RFX8: variants seen among roughly 807,000 people sequenced by gnomAD.
RFX8 encodes DNA-binding protein RFX8.
RFX8 carries 46 observed loss-of-function variants against 54.6 expected under a neutral mutation model. The ratio of observed to expected loss-of-function variants is 0.84; its 90% CI spans 0.67 to 1.08. The LOEUF (loss-of-function observed/expected upper bound fraction) is 1.08, where lower values mean the gene tolerates loss of function less well. Ranked by LOEUF, RFX8 falls within the 50% of genes least tolerant of loss-of-function variation. RFX8 has a pLI of 0.00. For synonymous variants in RFX8, 192 were observed against 209.5 expected, an observed-to-expected ratio of 0.92 and a Z score of 0.72; for missense variants, 536 against 562.3, an observed-to-expected ratio of 0.95 and a Z score of 0.47.
At chr2:101,460,354 C>T (rs1465840175) in intron 2 of RFX8, among the ~76,000 whole-genome samples, 2 of 152,192 alleles carry the variant, frequency 1.3e-5, no homozygotes, top group Non-Finnish European at 2.9e-5. Context: ...CAGATAGGAG[C>T]TGTTCCTATT....
At chr2:101,412,244 G>A (rs1686180956) in intron 8 of RFX8, among the ~76,000 whole-genome samples, 1 of 152,154 alleles carries the variant, frequency 6.6e-6, no homozygotes, top group Non-Finnish European at 1.5e-5. Context: ...GCAGCTTCCT[G>A]CCTCCCAGGT....
chr2:101,410,494 A>G (rs1306067286), intron 9 of RFX8, 125 bp downstream of exon 9: 12 of 623,074 alleles, frequency 1.9e-5, no homozygotes, highest in Non-Finnish European at 3.2e-5. Flanking sequence ...CCTCACACCC[A>G]GGCCAGCTTT....
At chr2:101,438,451 G>A (rs1356102034) in intron 2 of RFX8, among the ~76,000 whole-genome samples, 1 of 152,168 alleles carries the variant, frequency 6.6e-6, no homozygotes, top group Non-Finnish European at 1.5e-5. Flanking sequence ...TCCACAGTAT[G>A]GATGGATCAT....
intron 2 of RFX8, among the ~76,000 whole-genome samples, chr2:101,425,669 C>T (rs1416303311): frequency 1.3e-5 from 2 of 152,156 alleles, no homozygotes; most frequent in African/African-American, 2.4e-5. Context: ...ATAGACATTA[C>T]TTATAGGCAT....
chr2:101,471,460 G>A (rs1387733636), intron 1 of RFX8, among the ~76,000 whole-genome samples: 1 of 152,162 alleles, frequency 6.6e-6, no homozygotes, highest in African/African-American at 2.4e-5. Context: ...AAATAAATTT[G>A]TATTTTTAAA....
intron 1 of RFX8, among the ~76,000 whole-genome samples, chr2:101,469,113 TATATATATAA>T (rs1689820585): frequency 8.3e-6 from 1 of 120,994 alleles, no homozygotes; most frequent in Non-Finnish European, 1.7e-5. Context: ...TATAAGTGTA[TATATATATAA>T]GTATATATAT....
intron 7 of RFX8, among the ~76,000 whole-genome samples, chr2:101,413,623 CT>C (rs561617562): frequency 2.1e-3 from 317 of 152,294 alleles, no homozygotes; most frequent in African/African-American, 7.3e-3. Context: ...TTACCCCTCC[CT>C]TTTACAGAGG....
At chr2:101,410,471 G>A in intron 9 of RFX8, 148 bp downstream of exon 9, 1 of 607,672 alleles carries the variant, frequency 1.6e-6, no homozygotes, top group South Asian at 2.1e-5. Flanking sequence ...CAGAGTTCGA[G>A]GCCATCCCCT....
At chr2:101,434,721 C>G (rs1242431704) in intron 2 of RFX8, 1 of 94,170 alleles carries the variant, frequency 1.1e-5, no homozygotes. Flanking sequence ...TTTTAAGCTG[C>G]CAGACAGCAA....
At chr2:101,438,566 T>A (rs970980133) in intron 2 of RFX8, among the ~76,000 whole-genome samples, 8 of 152,210 alleles carry the variant, frequency 5.3e-5, no homozygotes, top group African/African-American at 1.9e-4. Context: ...TCTGTGTGGA[T>A]ATAAGTTCTC....
At chr2:101,460,948 A>G (rs535735602) in intron 2 of RFX8, among the ~76,000 whole-genome samples, 1 of 151,846 alleles carries the variant, frequency 6.6e-6, no homozygotes, top group African/African-American at 2.4e-5. Context: ...TCTTTCAGGG[A>G]AGGAGAATCA....
Position 101,473,407 on chromosome 2 carries a change from A to AT in RFX8, c.-53+1228dup, listed in dbSNP as rs202094851. On this transcript the variant is annotated intron_variant, in intron 1 of 11. Transcript: ENST00000428343. ...GTGTACTTCAGTATTTATTCATTTG[A>AT]TTTTTTTTCCTCTCATTGAAGATAA... Among the ~76,000 whole-genome samples the AT allele has an allele frequency of 1.6e-4, 24 of 151,748 alleles. No homozygotes were observed. The East Asian group carries it at 1.9e-3, about 12-fold the overall frequency.
At chr2:101,457,967 C>T (rs1388686460) in intron 2 of RFX8, among the ~76,000 whole-genome samples, 1 of 152,188 alleles carries the variant, frequency 6.6e-6, no homozygotes, top group East Asian at 1.9e-4. Context: ...TATGTAATGG[C>T]CTTCTTTGTC....
intron 8 of RFX8, among the ~76,000 whole-genome samples, chr2:101,411,699 A>G (rs1458379681): frequency 2.6e-5 from 4 of 152,070 alleles, no homozygotes; most frequent in Non-Finnish European, 5.9e-5. Flanking sequence ...TAGTTGCTGG[A>G]TTGGTGGGAA....
Position 101,412,925 on chromosome 2 carries a change from T to C in RFX8, c.708A>G (p.Pro236=). 6.5e-7 allele frequency: 1 copy of C among 1,550,284 alleles called. No individual in the cohort carries two copies. The change falls in exon 8 of 12, where the codon CCA becomes CCG. Residue 236 remains proline, a synonymous_variant. Transcript: ENST00000428343. ...RSGADELENN[P]EMKCLRNLIS... is the part of the protein sequence containing the mutation. Reference sequence around the variant, plus strand: ...CAGAAGGAAGATTACATTTCATCTCTGGGTTGTTCTCCAGTTCATCTGCGC... The same window carrying C: ...CAGAAGGAAGATTACATTTCATCTCCGGGTTGTTCTCCAGTTCATCTGCGC...
At chr2:101,455,936 C>T (rs1688940729) in intron 2 of RFX8, among the ~76,000 whole-genome samples, 1 of 152,114 alleles carries the variant, frequency 6.6e-6, no homozygotes, top group Non-Finnish European at 1.5e-5. Context: ...CTTCACATCC[C>T]TTATAAGTTG....
intron 2 of RFX8, among the ~76,000 whole-genome samples, chr2:101,438,221 C>A (rs927708594): frequency 5.3e-5 from 8 of 151,934 alleles, no homozygotes; most frequent in Non-Finnish European, 8.8e-5. Flanking sequence ...TTTTAATATA[C>A]AATTAAATTA....
At chr2:101,408,171 C>A (rs1205663110) in intron 9 of RFX8, among the ~76,000 whole-genome samples, 1 of 152,192 alleles carries the variant, frequency 6.6e-6, no homozygotes, top group Non-Finnish European at 1.5e-5. Flanking sequence ...TAGTGATGAT[C>A]TCAGTGGGTT....
intron 2 of RFX8, among the ~76,000 whole-genome samples, chr2:101,464,186 A>G (rs757197369): frequency 1.3e-5 from 2 of 152,224 alleles, no homozygotes; most frequent in Non-Finnish European, 2.9e-5. Context: ...ACACGGGCCT[A>G]TATCTCTGGA....
Sources: allele counts gnomAD v4.1 joint callset (sites outside exome capture counted in the v4.1 genomes callset), GRCh38; gene constraint gnomAD v4.1.1; transcripts MANE v1.5; gene names NCBI Gene and HGNC (gene_info 2026-07-23, HGNC 2026-07-21).